Variants in NUP133 observed in about 807,000 individuals in gnomAD.
NUP133 encodes the protein nucleoporin 133.
In NUP133, 66 loss-of-function variants were observed where a neutral mutation model predicts 146.2. The ratio of observed to expected loss-of-function variants is 0.45; its 90% confidence interval spans 0.37 to 0.55. The LOEUF (loss-of-function observed/expected upper bound fraction) is 0.55. Among genes scored for constraint, NUP133 ranks in the 20% least tolerant of loss-of-function variants. NUP133 has a pLI of 0.00. For missense variants in NUP133, 1,277 were observed against 1,374.8 expected (o/e 0.93, Z 1.12); for synonymous variants, 521 against 498.8 (o/e 1.04, Z -0.59).
intron 21 of NUP133, among the ~76,000 whole-genome samples, chr1:229,457,577 T>A (rs1052325232): frequency 2.6e-5 from 4 of 152,256 alleles, no homozygotes; most frequent in Non-Finnish European, 4.4e-5. Context: ...ATTGGTTTTT[T>A]AAAATTTGCA....
intron 2 of NUP133, among the ~76,000 whole-genome samples, chr1:229,504,466 C>A (rs1250270185): frequency 6.6e-6 from 1 of 152,160 alleles, no homozygotes; most frequent in Non-Finnish European, 1.5e-5. Flanking sequence ...TTTAAAGTTG[C>A]CTTTCTAAGC....
At chr1:229,470,029 G>A (rs1438791208) in intron 15 of NUP133, among the ~76,000 whole-genome samples, 2 of 152,034 alleles carry the variant, frequency 1.3e-5, no homozygotes, top group Non-Finnish European at 2.9e-5. Flanking sequence ...AGTGCCCCCT[G>A]CCCCCAGAAA....
intron 11 of NUP133, among the ~76,000 whole-genome samples, chr1:229,486,095 G>A (rs1473319424): frequency 6.6e-6 from 1 of 152,130 alleles, no homozygotes; most frequent in African/African-American, 2.4e-5. Flanking sequence ...CCGGGAGGTT[G>A]AGGTGAGGCT....
In NUP133 at chr1:229,498,270, G is replaced by T; in HGVS notation, c.685C>A (p.Leu229Ile). The change falls in exon 6 of 26, where the codon CTA becomes ATA. Residue 229 changes from leucine to isoleucine, a missense_variant. Around this residue, in one of 3 missense-constraint regions of NUP133, gnomAD observed 319 missense variants for 306.9 expected, o/e 1.04. Transcript: ENST00000261396. ...GAGCTCTCAGGTATCAACCGAATTA[G>T]TTGGCTTCCTGATGAAGACAAAATA... ...SFILSSSGSQLIRLIPESSGK... is the reference protein window; with the variant it reads ...SFILSSSGSQIIRLIPESSGK... The T allele has an allele frequency of 6.2e-7, 1 of 1,603,344 alleles. No homozygotes were observed. Among genetic ancestry groups the T allele is most frequent in the Non-Finnish European group, 8.5e-7 (1 of 1,176,980 alleles).
intron 6 of NUP133, among the ~76,000 whole-genome samples, chr1:229,496,971 T>A (rs1193233882): frequency 2.6e-5 from 4 of 152,230 alleles, no homozygotes; most frequent in Admixed American, 6.5e-5. Context: ...GCAGAATGTA[T>A]GTAGTTAGTC....
At chr1:229,446,040 T>C (rs1314214151) in intron 24 of NUP133, among the ~76,000 whole-genome samples, 2 of 152,218 alleles carry the variant, frequency 1.3e-5, no homozygotes, top group African/African-American at 4.8e-5. Flanking sequence ...TCTTAGTCTT[T>C]GTCATTGAAT....
intron 24 of NUP133, among the ~76,000 whole-genome samples, chr1:229,446,558 T>G (rs1660307426): frequency 1.3e-5 from 2 of 151,042 alleles, no homozygotes; most frequent in Non-Finnish European, 2.9e-5. Context: ...TGAAACCCCA[T>G]CTCTACTAAA....
At chr1:229,482,227 A>G (rs1661232491) in intron 12 of NUP133, among the ~76,000 whole-genome samples, 1 of 152,196 alleles carries the variant, frequency 6.6e-6, no homozygotes, top group Admixed American at 6.5e-5. Flanking sequence ...TTAGAACTGT[A>G]AAAGCACTTT....
At position 229,463,601 on chromosome 1, in the gene NUP133, C is replaced by T. The variant is rs753072107; in HGVS notation, c.2627G>A (p.Cys876Tyr). 1.2e-6 allele frequency: 2 copies of T among 1,614,070 alleles called. No homozygotes were observed. Among genetic ancestry groups the T allele is most frequent in the Admixed American group, 1.7e-5 (1 of 60,010 alleles). Residue 876 changes from cysteine to tyrosine, a missense_variant, in exon 19 of 26, where the codon TGT becomes TAT. By Grantham distance (194) the Cys-to-Tyr change is radical. Around this residue, in one of 3 missense-constraint regions of NUP133, gnomAD observed 952 missense variants for 1,047.0 expected, o/e 0.91. Coordinates refer to ENST00000261396, the MANE Select transcript of NUP133 (RefSeq NM_018230.3). ...TCGGCTCTGGTTGTCAGTCTGCTCA[C>T]ACATTTGTACCAATATATCAAAGTC... is the stretch of plus-strand genomic sequence containing the variant. ...YCDFDILVQM[C>Y]EQTDNQSRLQ... is the part of the protein sequence containing the mutation.
chr1:229,489,093 T>C (rs2102776727), intron 9 of NUP133, among the ~76,000 whole-genome samples: 1 of 152,332 alleles, frequency 6.6e-6, no homozygotes, highest in South Asian at 2.1e-4. Context: ...TTCTATAGTA[T>C]ACAAGGCTCT....
At position 229,460,624 on chromosome 1, in the gene NUP133, T is replaced by C. The variant is rs1206138146; in HGVS notation, c.2831A>G (p.Gln944Arg). 6.2e-7 allele frequency: 1 copy of C among 1,613,018 alleles called. No homozygotes were observed. Among genetic ancestry groups the C allele is most frequent in the Non-Finnish European group, 8.5e-7 (1 of 1,179,720 alleles). ...AATCCTTCTTACCTTTTCTAATTCT[T>C]GGCTATTAATTTCATGTAACCAGCT... Reference protein sequence around the residue: ...HLSWLHEINSQELEKAHATLL... With the variant: ...HLSWLHEINSRELEKAHATLL... The change falls in exon 20 of 26, where the codon CAA becomes CGA. Residue 944 changes from glutamine (Q) to arginine (R), a missense_variant. This residue lies in a region of NUP133 where 952 missense variants were observed against 1,047.0 expected (regional missense o/e 0.91). Coordinates refer to ENST00000261396, the MANE Select transcript of NUP133 (RefSeq NM_018230.3).
chr1:229,457,581 A>T (rs1660598365), intron 21 of NUP133, among the ~76,000 whole-genome samples: 1 of 152,068 alleles, frequency 6.6e-6, no homozygotes, highest in Non-Finnish European at 1.5e-5. Flanking sequence ...GTTTTTTAAA[A>T]TTTGCATTAT....
Position 229,442,149 on chromosome 1 carries a change from C to A in NUP133, c.3335-109G>T, listed in dbSNP as rs1221621279. On this transcript the variant is annotated intron_variant, in intron 25 of 25. Transcript: ENST00000261396. ...GTGCTTCTATTTAAATATAACGTCA[C>A]TTTGCTGTTGGGAAATACTCTCTTC... The A allele has an allele frequency of 8.3e-6, 9 of 1,086,814 alleles. No individual in the cohort carries two copies. In the East Asian group the frequency reaches 1.9e-4, roughly 23 times the overall value. The allele number at this position is 1,086,814 out of a possible 1,614,324, so 67.3% of individuals were successfully genotyped here.
intron 21 of NUP133, among the ~76,000 whole-genome samples, chr1:229,457,879 C>T (rs573908321): frequency 6.6e-6 from 1 of 152,118 alleles, no homozygotes; most frequent in African/African-American, 2.4e-5. Flanking sequence ...TTCTTTTTGC[C>T]CTTGGAATAT....
chr1:229,499,431 C>T (rs1177235659), intron 5 of NUP133, among the ~76,000 whole-genome samples: 1 of 152,090 alleles, frequency 6.6e-6, no homozygotes, highest in East Asian at 1.9e-4. Context: ...CCCTCCCCGG[C>T]CTCTATAGTC....
chr1:229,504,488 G>T lies in NUP133; in HGVS notation c.301+1552C>A, dbSNP rs1661884459. On this transcript the variant is annotated intron_variant, in intron 2 of 25. Transcript: ENST00000261396. Reference sequence around the variant, plus strand: ...TTGCCTTTCTAAGCTTGTGTTGATTGTATCTGTCAAAATTCCACACTAATT... The same window carrying T: ...TTGCCTTTCTAAGCTTGTGTTGATTTTATCTGTCAAAATTCCACACTAATT... Among the ~76,000 whole-genome samples the T allele has an allele frequency of 1.3e-5, 2 of 152,142 alleles. 1 individual carries two copies. Among genetic ancestry groups the T allele is most frequent in the South Asian group, 4.1e-4 (2 of 4,830 alleles).
At chr1:229,470,300 A>AG (rs1361641082) in intron 15 of NUP133, among the ~76,000 whole-genome samples, 2 of 151,856 alleles carry the variant, frequency 1.3e-5, no homozygotes, top group African/African-American at 4.8e-5. Context: ...AAAAAAAAAA[A>AG]AAGAAGATCA....
At position 229,486,487 on chromosome 1, in the gene NUP133, T is replaced by C. The variant is rs759574477; in HGVS notation, c.1384A>G (p.Ile462Val). 1.6e-5 allele frequency: 26 copies of C among 1,610,834 alleles called. No individual in the cohort carries two copies. In the South Asian group the frequency reaches 2.5e-4, roughly 16 times the overall value. ...AGTCCACTGTTTCTAGAAAAAATGATAGGAACACCACCACAGGCACCAGCA... is the reference window on the plus strand; with the variant it reads ...AGTCCACTGTTTCTAGAAAAAATGACAGGAACACCACCACAGGCACCAGCA... ...LGAGACGGVP[I>V]IFSRNSGLVS... is the part of the protein sequence containing the mutation. The change falls in exon 11 of 26, where the codon ATC becomes GTC. Residue 462 changes from isoleucine to valine, a missense_variant. By Grantham distance (29) the Ile-to-Val change is conservative (BLOSUM62 3). Coordinates refer to ENST00000261396, the MANE Select transcript of NUP133 (RefSeq NM_018230.3).
At chr1:229,468,057 C>T (rs1235548335) in intron 15 of NUP133, among the ~76,000 whole-genome samples, 1 of 152,042 alleles carries the variant, frequency 6.6e-6, no homozygotes, top group African/African-American at 2.4e-5. Context: ...GCTCATATGC[C>T]GTGTCAACAT....
Sources: allele counts gnomAD v4.1 joint callset (sites outside exome capture counted in the v4.1 genomes callset), GRCh38; gene constraint gnomAD v4.1.1; regional missense constraint gnomAD v4.1.1; transcripts MANE v1.5; gene names NCBI Gene and HGNC (gene_info 2026-07-23, HGNC 2026-07-21).